The following GRK5 variants were observed in gnomAD, a reference collection of about 807,000 sequenced individuals.
GRK5 encodes the protein g protein-coupled receptor kinase GRK5.
A neutral mutation model predicts 78.4 loss-of-function variants in GRK5; 40 were observed. The ratio of observed to expected loss-of-function variants is 0.51; its 90% CI spans 0.40 to 0.66. The LOEUF (loss-of-function observed/expected upper bound fraction) is 0.66, where lower values mean the gene tolerates loss of function less well. Ranked by LOEUF, GRK5 falls within the 30% of genes least tolerant of loss-of-function variation. The pLI is 0.00. For synonymous variants in GRK5, 289 were observed against 296.8 expected, an observed-to-expected ratio of 0.97 and a Z score of 0.27; for missense variants, 598 against 759.9, an observed-to-expected ratio of 0.79 and a Z score of 2.50.
rs1848965926 is a variant in GRK5 at position 119,238,278 on chromosome 10, G to A, written c.52+30309G>A. 6.6e-6 allele frequency among the ~76,000 whole-genome samples: 1 copy of A among 151,690 alleles called. No homozygotes were observed. The highest frequency in any genetic ancestry group is 2.4e-5 in the African/African-American group (1 of 40,986). ...CTGGGTGGAGGGTGGACGGGAAGCG[G>A]GGGGCCTTCTGCTGAAGATCTCAAT... is the stretch of plus-strand genomic sequence containing the variant. On this transcript the variant is annotated intron_variant, in intron 1 of 15. Coordinates refer to ENST00000392870, the MANE Select transcript of GRK5 (RefSeq NM_005308.3). The surrounding 1 kb of genome is among the most constrained non-coding windows in gnomAD (Gnocchi z 4.7).
At chr10:119,453,048 C>A in intron 14 of GRK5, 97 bp from the exon 15 acceptor site, 1 of 883,066 alleles carries the variant, frequency 1.1e-6, no homozygotes. Flanking sequence ...GGCTCAGGGG[C>A]AGGTGAGGCC....
intron 1 of GRK5, among the ~76,000 whole-genome samples, chr10:119,299,794 A>ATGTGTGTGTGTGTGTG (rs3981127): frequency 8.0e-6 from 1 of 124,262 alleles, no homozygotes; most frequent in Non-Finnish European, 1.8e-5. Flanking sequence ...ATTTAAGCAG[A>ATGTGTGTGTGTGTGTG]TGTGTGTGTG....
intron 2 of GRK5, among the ~76,000 whole-genome samples, chr10:119,351,949 A>G (rs923425907): frequency 1.3e-5 from 2 of 152,238 alleles, no homozygotes; most frequent in Admixed American, 6.5e-5. Context: ...CTTAGCCACT[A>G]TGCTATATGG....
At chr10:119,260,961 C>T (rs1405741085) in intron 1 of GRK5, among the ~76,000 whole-genome samples, 198 of 151,838 alleles carry the variant, frequency 1.3e-3, no homozygotes, top group African/African-American at 4.6e-3. Context: ...AGAGGGGCTC[C>T]TCACTTCCCA....
chr10:119,312,213 G>C (rs1850371343), intron 1 of GRK5, among the ~76,000 whole-genome samples: 1 of 152,214 alleles, frequency 6.6e-6, no homozygotes, highest in African/African-American at 2.4e-5. Context: ...TCTGCAGCCA[G>C]CCTAAATTAT....
Position 119,207,856 on chromosome 10 carries a change from CG to C in GRK5, c.-60del, listed in dbSNP as rs540763293. On this transcript the variant is annotated 5_prime_UTR_variant, in exon 1 of 16. Transcript: ENST00000392870. ...GCAGCCCGAGCAGCGGCAGCAGCAG[CG>C]GCAGCACCCCAGGCGCTGACAGCCC... The C allele has an allele frequency of 9.6e-4, 1,406 of 1,469,298 alleles. 16 individuals carry two copies. The African/African-American group carries it at 0.018, about 19-fold the overall frequency. The allele number at this position is 1,469,298 out of a possible 1,614,324, so 91.0% of individuals were successfully genotyped here.
chr10:119,300,448 T>C (rs1162501115), intron 1 of GRK5, among the ~76,000 whole-genome samples: 2 of 152,142 alleles, frequency 1.3e-5, no homozygotes, highest in Non-Finnish European at 2.9e-5. Context: ...GGGTAAGCAG[T>C]CTGTATATTG....
At chr10:119,453,090 G>C (rs1199427328) in intron 14 of GRK5, 55 bp from the exon 15 acceptor site, 5 of 1,163,398 alleles carry the variant, frequency 4.3e-6, no homozygotes, top group Non-Finnish European at 6.5e-6. Flanking sequence ...TTTGCTGCTG[G>C]GCTTCCTGAC....
chr10:119,352,156 C>T (rs1195742085), intron 2 of GRK5, among the ~76,000 whole-genome samples: 1 of 152,106 alleles, frequency 6.6e-6, no homozygotes, highest in Non-Finnish European at 1.5e-5. Flanking sequence ...ACTTTTTCCT[C>T]ATATAAATAA....
rs1392190912 is a variant in GRK5, at chr10:119,430,327, C to T, written c.534-48C>T. The T allele has an allele frequency of 2.0e-6, 3 of 1,536,216 alleles. No homozygotes were observed. The highest frequency in any genetic ancestry group is 1.8e-6 in the Non-Finnish European group (2 of 1,110,344). On this transcript the variant is annotated intron_variant, in intron 6 of 15. Transcript: ENST00000392870. This position sits in a 1 kb window ranked among gnomAD's most constrained non-coding sequence, Gnocchi z 4.5. ...AATGTGCCACTGTTTCCTGTGGATT[C>T]TGAGTCTTGGCACCATGAGACCAGT...
Position 119,430,387 on chromosome 10 carries a change from CA to C in GRK5, c.551del (p.Asn184ThrfsTer9). On this transcript the variant is annotated frameshift_variant, in exon 7 of 16. Coordinates refer to ENST00000392870, the MANE Select transcript of GRK5 (RefSeq NM_005308.3). LOFTEE classifies it high-confidence loss of function. This position sits in a 1 kb window ranked among gnomAD's most constrained non-coding sequence, Gnocchi z 4.5. The part of the protein sequence containing the change: ...WKWLERQPVT[K>X]NTFRQYRVLG... ...TTCTTTCTTCCAGGCAACCGGTGAC[CA>C]AAAACACTTTCAGGCAGTATCGAGT... The C allele has an allele frequency of 6.2e-7, 1 of 1,613,528 alleles. No homozygotes were observed. The highest frequency in any genetic ancestry group is 1.1e-5 in the South Asian group (1 of 90,940).
intron 4 of GRK5, among the ~76,000 whole-genome samples, chr10:119,405,316 G>C (rs1852218454): frequency 6.6e-6 from 1 of 152,140 alleles, no homozygotes; most frequent in South Asian, 2.1e-4. Flanking sequence ...AGGTCTGCAG[G>C]CAGGATATTG....
chr10:119,257,312 G>A (rs1340078123), intron 1 of GRK5, among the ~76,000 whole-genome samples: 1 of 152,222 alleles, frequency 6.6e-6, no homozygotes, highest in East Asian at 1.9e-4. Flanking sequence ...CAGTGATTCT[G>A]AAATGGAAAA....
chr10:119,286,782 A>G (rs1411522730), intron 1 of GRK5, among the ~76,000 whole-genome samples: 2 of 152,238 alleles, frequency 1.3e-5, no homozygotes, highest in Non-Finnish European at 2.9e-5. Context: ...TTTTGGTGGA[A>G]AAGGTGGGGA....
intron 1 of GRK5, among the ~76,000 whole-genome samples, chr10:119,318,711 C>G (rs138922766): frequency 6.6e-6 from 1 of 152,112 alleles, no homozygotes; most frequent in African/African-American, 2.4e-5. Context: ...GAGCTCAGGT[C>G]GTCCCACTGC....
chr10:119,259,129 A>G (rs971770304), intron 1 of GRK5, among the ~76,000 whole-genome samples: 2 of 137,692 alleles, frequency 1.5e-5, no homozygotes, highest in African/African-American at 5.5e-5. Context: ...CAGTGGTGCT[A>G]TCTCGGCTCA....
At chr10:119,383,874 A>G (rs1851751801) in intron 3 of GRK5, among the ~76,000 whole-genome samples, 1 of 152,168 alleles carries the variant, frequency 6.6e-6, no homozygotes, top group Non-Finnish European at 1.5e-5. Flanking sequence ...TGCAGGCCAC[A>G]GTTTGGCACA....
intron 1 of GRK5, among the ~76,000 whole-genome samples, chr10:119,290,283 G>A (rs1849927343): frequency 7.3e-6 from 1 of 137,754 alleles, no homozygotes; most frequent in South Asian, 2.5e-4. Context: ...AGAGGCGGAG[G>A]TTACAATGAG....
In GRK5 at chr10:119,431,299, C is replaced by G. The variant is rs1310379641; in HGVS notation, c.598-88C>G. 1 of 1,466,950 alleles carries G rather than the reference C, an allele frequency of 6.8e-7. No homozygotes were observed. Among genetic ancestry groups the G allele is most frequent in the Non-Finnish European group, 9.2e-7 (1 of 1,089,504 alleles). The allele number at this position is 1,466,950 out of a possible 1,614,324, so 90.9% of individuals were successfully genotyped here. ...GGCTCTGACCCCATCCATTCTCTACCTGGGAGGCCTGTGGTCCCCGCCCTG... is the reference window on the plus strand; with the variant it reads ...GGCTCTGACCCCATCCATTCTCTACGTGGGAGGCCTGTGGTCCCCGCCCTG... On this transcript the variant is annotated intron_variant, in intron 7 of 15. Coordinates refer to ENST00000392870, the MANE Select transcript of GRK5 (RefSeq NM_005308.3). The surrounding 1 kb of genome is among the most constrained non-coding windows in gnomAD (Gnocchi z 4.8).
Sources: allele counts gnomAD v4.1 joint callset (sites outside exome capture counted in the v4.1 genomes callset), GRCh38; gene constraint gnomAD v4.1.1; non-coding constraint Gnocchi (gnomAD v3.1); transcripts MANE v1.5; gene names NCBI Gene and HGNC (gene_info 2026-07-23, HGNC 2026-07-21).